The following PIK3R3 variants were observed in gnomAD, a reference collection of about 807,000 sequenced individuals.
PIK3R3 encodes the protein phosphoinositide-3-kinase regulatory subunit 3.
In PIK3R3, 64 loss-of-function variants were observed where a neutral mutation model predicts 62.9. That is an observed-to-expected ratio of 1.02 (90% confidence interval 0.83 to 1.25). The LOEUF is 1.25. PIK3R3 is among the 50% of genes most tolerant of loss of function. PIK3R3 has a pLI of 0.00. For synonymous variants in PIK3R3, 165 were observed against 189.0 expected, an observed-to-expected ratio of 0.87 and a Z score of 1.04; for missense variants, 614 against 561.6, an observed-to-expected ratio of 1.09 and a Z score of -0.94.
intron 5 of PIK3R3, among the ~76,000 whole-genome samples, chr1:46,063,862 G>GA (rs1373435279): frequency 5.3e-5 from 8 of 151,846 alleles, no homozygotes; most frequent in Admixed American, 2.0e-4. Flanking sequence ...ACAACACTTT[G>GA]AAAAAAAAGC....
chr1:46,156,029 A>G, the PIK3R3 span, among the ~76,000 whole-genome samples: 7 of 152,182 alleles, frequency 4.6e-5, no homozygotes, highest in Non-Finnish European at 8.8e-5. Flanking sequence ...GTTTAGTAAT[A>G]GTAATGTACA....
intron 1 of PIK3R3, among the ~76,000 whole-genome samples, chr1:46,095,557 G>T (rs1328641374): frequency 6.6e-6 from 1 of 152,116 alleles, no homozygotes. Context: ...ATGGATGCTG[G>T]GCTTAATACC....
rs1292930525 is a variant in PIK3R3 at position 46,044,117 on chromosome 1, G to A, written c.1188-246C>T. The stretch of plus-strand genomic sequence containing the variant: ...TTTAGACAGGGTCTCGCTCTATCAC[G>A]AAAGCTAGGGTACAGTGGCTTGATT... On this transcript the variant is annotated intron_variant, in intron 9 of 9. Coordinates refer to ENST00000262741, the MANE Select transcript of PIK3R3 (RefSeq NM_003629.4). This position sits in a 1 kb window ranked among gnomAD's most constrained non-coding sequence, Gnocchi z 4.2. 3.3e-5 allele frequency among the ~76,000 whole-genome samples: 5 copies of A among 150,344 alleles called. No individual in the cohort carries two copies. The highest frequency in any genetic ancestry group is 9.8e-5 in the African/African-American group (4 of 40,820).
intron 1 of PIK3R3, among the ~76,000 whole-genome samples, chr1:46,114,771 ATTTTT>A (rs60059325): frequency 1.0e-5 from 1 of 99,300 alleles, no homozygotes. Context: ...AGCCTCACTA[ATTTTT>A]TTTTTTTTTT....
At chr1:46,083,374 C>CA (rs1464931199) in intron 1 of PIK3R3, among the ~76,000 whole-genome samples, 3 of 151,872 alleles carry the variant, frequency 2.0e-5, no homozygotes, top group Non-Finnish European at 2.9e-5. Flanking sequence ...CTGAAAATAA[C>CA]AAACAAGAAA....
chr1:46,109,609 G>A (rs551462445), intron 1 of PIK3R3, among the ~76,000 whole-genome samples: 9 of 151,882 alleles, frequency 5.9e-5, no homozygotes, highest in South Asian at 2.1e-4. Flanking sequence ...TCAACCTCCC[G>A]AGTAGCTGGG....
chr1:46,132,787 G>A, upstream of PIK3R3: 1 of 1,266,606 alleles, frequency 7.9e-7, no homozygotes, highest in East Asian at 5.7e-5. Flanking sequence ...GATGTACCGG[G>A]ATTCTGTCAA....
At chr1:46,054,971 C>A (rs866292568) in intron 7 of PIK3R3, among the ~76,000 whole-genome samples, 1 of 152,070 alleles carries the variant, frequency 6.6e-6, no homozygotes, top group Admixed American at 6.5e-5. Flanking sequence ...GGCACGATCT[C>A]GGCTCACTGC....
intron 1 of PIK3R3, among the ~76,000 whole-genome samples, chr1:46,117,745 CGAAA>C (rs547538635): frequency 9.8e-5 from 14 of 142,160 alleles, no homozygotes; most frequent in African/African-American, 2.4e-4. Flanking sequence ...AAACCTGTCT[CGAAA>C]GAAAGAAAGA....
chr1:46,074,263 T>TC (rs1649830798), intron 3 of PIK3R3, among the ~76,000 whole-genome samples: 1 of 109,562 alleles, frequency 9.1e-6, no homozygotes, highest in South Asian at 3.2e-4. Context: ...CACTCCAGCC[T>TC]GGGCGACAGA....
chr1:46,113,297 A>AT lies in PIK3R3; in HGVS notation c.106+18549dup, dbSNP rs35565437. Among the ~76,000 whole-genome samples the AT allele has an allele frequency of 3.7e-3, 465 of 126,886 alleles. 7 individuals carry two copies. The highest frequency in any genetic ancestry group is 0.025 in the South Asian group (94 of 3,706). 83.2% of individuals were successfully genotyped at this position (126,886 alleles called of 152,430 possible). A position where few individuals can be genotyped will look rare whatever the true frequency, so the allele number is the denominator to read the frequency against. On this transcript the variant is annotated intron_variant, in intron 1 of 9. Transcript: ENST00000262741. ...ATCTAATACCACTTCCTATCTCTCA[A>AT]TTTTTTTTTTTTTTTTTTTTGAGAC...
At chr1:46,106,784 T>C (rs771549596) in intron 1 of PIK3R3, among the ~76,000 whole-genome samples, 25 of 152,124 alleles carry the variant, frequency 1.6e-4, no homozygotes, top group Middle Eastern at 3.2e-3. Context: ...TAGTCTTTTT[T>C]TTCTTTTTTT....
intron 5 of PIK3R3, among the ~76,000 whole-genome samples, chr1:46,064,666 A>G (rs1341636609): frequency 6.6e-6 from 1 of 152,212 alleles, no homozygotes; most frequent in African/African-American, 2.4e-5. Flanking sequence ...AGTCCCAAAT[A>G]TTTAGAAATT....
chr1:46,077,794 T>C (rs1403703174), intron 2 of PIK3R3, among the ~76,000 whole-genome samples, 181 bp from the exon 3 acceptor site: 1 of 152,238 alleles, frequency 6.6e-6, no homozygotes, highest in Non-Finnish European at 1.5e-5. Context: ...ATGCTCTTTC[T>C]GTTTTGATTT....
intron 7 of PIK3R3, among the ~76,000 whole-genome samples, chr1:46,049,232 C>T (rs1647192618): frequency 6.6e-6 from 1 of 151,384 alleles, no homozygotes; most frequent in Non-Finnish European, 1.5e-5. Flanking sequence ...ATATCTTTTC[C>T]TAGCCCTACC....
At position 46,055,859 on chromosome 1, in the gene PIK3R3, T is replaced by C. The variant is rs1470661557; in HGVS notation, c.877A>G (p.Lys293Glu). 3.7e-6 allele frequency: 6 copies of C among 1,610,474 alleles called. No homozygotes were observed. The change falls in exon 7 of 10, where the codon AAA becomes GAA. Residue 293 changes from lysine (K) to glutamate (E), a missense_variant. Coordinates refer to ENST00000262741, the MANE Select transcript of PIK3R3 (RefSeq NM_003629.4). ...NQALDNREID[K>E]KMNSIKPDLI... ...TCAGGTTTGATGCTATTCATTTTTT[T>C]ATCTATTTCTCGGTTGTCCAAAGCT...
chr1:46,091,823 T>C (rs1000419657), intron 1 of PIK3R3, among the ~76,000 whole-genome samples: 1 of 152,350 alleles, frequency 6.6e-6, no homozygotes, highest in East Asian at 1.9e-4. Flanking sequence ...ATATAGCTTA[T>C]GCACATCCTC....
At chr1:46,090,344 A>T (rs200650030) in intron 1 of PIK3R3, among the ~76,000 whole-genome samples, 2,485 of 106,892 alleles carry the variant, frequency 0.023, 44 homozygotes, top group Non-Finnish European at 0.036. Flanking sequence ...TTATTTATTT[A>T]TTTTTTTGAG....
chr1:46,112,419 A>G (rs1267485242), intron 1 of PIK3R3, among the ~76,000 whole-genome samples: 7 of 152,214 alleles, frequency 4.6e-5, no homozygotes, highest in African/African-American at 1.2e-4. Context: ...ATCCATACAT[A>G]TACCTTTATA....
Sources: gnomAD v4.1 joint callset for allele counts (sites outside exome capture counted in the v4.1 genomes callset) on GRCh38, gnomAD v4.1.1 for gene constraint, Gnocchi (gnomAD v3.1) non-coding constraint, MANE v1.5 for transcripts, NCBI Gene and HGNC (gene_info 2026-07-23, HGNC 2026-07-21) for gene names.